PRRC2B: variants seen among roughly 807,000 people sequenced by gnomAD.
PRRC2B encodes proline rich coiled-coil 2B.
PRRC2B carries 68 observed loss-of-function variants against 242.3 expected under a neutral mutation model. The observed-to-expected ratio is 0.28, with a 90% CI of 0.23 to 0.34. The LOEUF (loss-of-function observed/expected upper bound fraction) is 0.34. Ranked by LOEUF, PRRC2B falls within the 10% of genes least tolerant of loss-of-function variation. The pLI is 1.00. For missense variants in PRRC2B, 2,835 were observed against 2,954.8 expected, an observed-to-expected ratio of 0.96 and a Z score of 0.94; for synonymous variants, 1,228 against 1,173.6, an observed-to-expected ratio of 1.05 and a Z score of -0.95.
intron 1 of PRRC2B, among the ~76,000 whole-genome samples, chr9:131,397,741 A>C (rs34388803): frequency 6.6e-6 from 1 of 152,156 alleles, no homozygotes; most frequent in Non-Finnish European, 1.5e-5. Context: ...TTCTGAATTC[A>C]ATAATGAGGC....
intron 1 of PRRC2B, among the ~76,000 whole-genome samples, chr9:131,397,563 GTTTTTTT>G (rs58424444): frequency 2.6e-4 from 26 of 98,976 alleles, no homozygotes; most frequent in Non-Finnish European, 4.4e-4. Context: ...ACTTTTGAGG[GTTTTTTT>G]TTTTTTTTTT....
intron 4 of PRRC2B, among the ~76,000 whole-genome samples, chr9:131,438,214 G>GTTAGT (rs974826028): frequency 1.3e-5 from 2 of 152,192 alleles, no homozygotes; most frequent in African/African-American, 4.8e-5. Context: ...TGAGATGAAT[G>GTTAGT]TTAGTTGAGT....
chr9:131,444,063 G>A, intron 5 of PRRC2B, 122 bp from the exon 6 acceptor site: 1 of 1,120,086 alleles, frequency 8.9e-7, no homozygotes, highest in Non-Finnish European at 1.3e-6. Flanking sequence ...GAGCACCCTT[G>A]TGACAAGACT....
rs780014390 is a variant in PRRC2B, at chr9:131,474,783, G to A, written c.2654G>A (p.Gly885Asp). 7.4e-6 allele frequency: 12 copies of A among 1,612,758 alleles called. No homozygotes were observed. The East Asian group carries it at 2.5e-4, about 33-fold the overall frequency. Residue 885 changes from glycine (G) to aspartate (D), a missense_variant, in exon 16 of 32, where the codon GGT (glycine) becomes GAT (aspartate). Around this residue, in one of 7 missense-constraint regions of PRRC2B, gnomAD observed 1,536 missense variants for 1,483.1 expected, o/e 1.04. Coordinates refer to ENST00000683519, the MANE Select transcript of PRRC2B (RefSeq NM_013318.4). Reference sequence around the variant, plus strand: ...CCAGAGACCGCTGACACAGCCCATGGTGTTGAGCGGGAGACACCCCGGGAG... The same window carrying A: ...CCAGAGACCGCTGACACAGCCCATGATGTTGAGCGGGAGACACCCCGGGAG... ...HQPETADTAHGVERETPREGT... is the reference protein window; with the variant it reads ...HQPETADTAHDVERETPREGT...
At chr9:131,483,186 C>T (rs1943919893) in intron 22 of PRRC2B, among the ~76,000 whole-genome samples, 173 bp from the exon 23 acceptor site, 1 of 152,186 alleles carries the variant, frequency 6.6e-6, no homozygotes, top group South Asian at 2.1e-4. Context: ...GGCTGGCGTC[C>T]TGTCTCCTGT....
intron 19 of PRRC2B, 31 bp from the exon 20 acceptor site, chr9:131,481,685 TTGCTCTTTGA>T: frequency 6.8e-7 from 1 of 1,467,644 alleles, no homozygotes; most frequent in South Asian, 1.2e-5. Flanking sequence ...TCTAGACGGG[TTGCTCTTTGA>T]TGCCCTGACT....
rs998019949 is a variant in PRRC2B, at chr9:131,486,386, T to C, written c.5856+204T>C. The C allele has an allele frequency of 1.3e-5, 8 of 636,506 alleles. No individual in the cohort carries two copies. The African/African-American group carries it at 1.4e-4, about 11-fold the overall frequency. The allele number at this position is 636,506 out of a possible 1,614,324, so 39.4% of individuals were successfully genotyped here. A position where few individuals can be genotyped will look rare whatever the true frequency, so the allele number is the denominator to read the frequency against. ...GACAGGGAAGAGGAGTGGAGTTGGC[T>C]GCTCCAGACTCTGCTTAGTTTTCCT... On this transcript the variant is annotated intron_variant, in intron 26 of 31. Transcript: ENST00000683519.
At chr9:131,383,535 A>AT (rs1836787917) in intron 1 of PRRC2B, among the ~76,000 whole-genome samples, 2 of 152,072 alleles carry the variant, frequency 1.3e-5, no homozygotes, top group South Asian at 4.1e-4. Flanking sequence ...GTAGTGAAAG[A>AT]AAGCTCACGA....
rs190717062 is a variant in PRRC2B at position 131,497,646 on chromosome 9, C to T, written c.*1772C>T. Reference sequence around the variant, plus strand: ...CAATTCTAAGGAAGCGGGAGAACGGCCTCCTACCAACAGCGCCCACCCCAG... The same window carrying T: ...CAATTCTAAGGAAGCGGGAGAACGGTCTCCTACCAACAGCGCCCACCCCAG... On this transcript the variant is annotated 3_prime_UTR_variant, in exon 32 of 32. Coordinates refer to ENST00000683519, the MANE Select transcript of PRRC2B (RefSeq NM_013318.4). 6.6e-6 allele frequency: 1 copy of T among 152,384 alleles called. No homozygotes were observed. Among genetic ancestry groups the T allele is most frequent in the African/African-American group, 2.4e-5 (1 of 41,568 alleles). 9.4% of individuals were successfully genotyped at this position (152,384 alleles called of 1,614,324 possible).
chr9:131,486,453 CTAAA>C (rs1466016025), intron 26 of PRRC2B: 2 of 983,834 alleles, frequency 2.0e-6, no homozygotes, highest in Non-Finnish European at 2.4e-6. Context: ...GGGGAATTAG[CTAAA>C]ATGGAATTTT....
chr9:131,386,273 C>T (rs1564270301), intron 1 of PRRC2B, among the ~76,000 whole-genome samples: 2 of 150,206 alleles, frequency 1.3e-5, no homozygotes, highest in Admixed American at 6.9e-5. Context: ...CCAACATTCT[C>T]GGCTAATTTT....
At chr9:131,389,923 T>TG (rs1237180072), upstream of PRRC2B, among the ~76,000 whole-genome samples, 2 of 130,100 alleles carry the variant, frequency 1.5e-5, no homozygotes, top group Admixed American at 1.6e-4. Context: ...TTGTTTTTTT[T>TG]TTTGTTTTTT....
rs397690778 is a variant in PRRC2B at position 131,488,269 on chromosome 9, C to CTT, written c.6225+185_6225+186dup. 2.6e-3 allele frequency among the ~76,000 whole-genome samples: 375 copies of CTT among 144,700 alleles called. 11 individuals carry two copies. In the East Asian group the frequency reaches 0.032, roughly 12 times the overall value. 94.9% of individuals were successfully genotyped at this position (144,700 alleles called of 152,430 possible). A position where few individuals can be genotyped will look rare whatever the true frequency, so the allele number is the denominator to read the frequency against. On this transcript the variant is annotated intron_variant, in intron 28 of 31. Transcript: ENST00000683519. ...AGCCTCTTCTGAGTAGCCCCATCAC[C>CTT]TTTTTTTTTTTTTGGACAGAGTCTC... is the stretch of plus-strand genomic sequence containing the variant.
Position 131,430,076 on chromosome 9 carries a change from T to C in PRRC2B, c.-51-18T>C, listed in dbSNP as rs1838085795. 7.0e-6 allele frequency: 5 copies of C among 717,922 alleles called. No individual in the cohort carries two copies. The highest frequency in any genetic ancestry group is 1.2e-5 in the Non-Finnish European group (5 of 431,172). 44.5% of individuals were successfully genotyped at this position (717,922 alleles called of 1,614,324 possible). ...TTTCTCTCTCTTTTTTTTTTTTTCT[T>C]CTCTATTTCAAAGGCAGATCGGGAG... On this transcript the variant is annotated intron_variant, in intron 1 of 31. Transcript: ENST00000683519.
intron 10 of PRRC2B, among the ~76,000 whole-genome samples, chr9:131,456,912 C>T (rs568551941): frequency 6.6e-6 from 1 of 152,282 alleles, no homozygotes; most frequent in Non-Finnish European, 1.5e-5. Flanking sequence ...TGCCTGTTTC[C>T]TTCACATTTA....
In PRRC2B at chr9:131,494,567, CCTAT is replaced by C. The variant is rs1944279494; in HGVS notation, c.6555+84_6555+87del. On this transcript the variant is annotated intron_variant, in intron 31 of 31. Transcript: ENST00000683519. The surrounding 1 kb of genome is among the most constrained non-coding windows in gnomAD (Gnocchi z 4.3). ...CGCCAAAAGAGAAGGGACTGTCCAA[CCTAT>C]CTGAGCGCCCCCTGTCTAAAGACAG... 2 of 749,340 alleles carry C rather than the reference CCTAT, an allele frequency of 2.7e-6. No homozygotes were observed. Among genetic ancestry groups the C allele is most frequent in the African/African-American group, 3.6e-5 (2 of 55,652 alleles). The allele number at this position is 749,340 out of a possible 1,614,324, so 46.4% of individuals were successfully genotyped here.
intron 1 of PRRC2B, among the ~76,000 whole-genome samples, chr9:131,425,592 A>G (rs1394217651): frequency 6.6e-6 from 1 of 151,620 alleles, no homozygotes; most frequent in Non-Finnish European, 1.5e-5. Flanking sequence ...GGTTCATGCC[A>G]TTCTCCTGCC....
intron 11 of PRRC2B, among the ~76,000 whole-genome samples, chr9:131,461,039 A>G (rs1943226754): frequency 6.6e-6 from 1 of 152,156 alleles, no homozygotes; most frequent in South Asian, 2.1e-4. Context: ...GTTCTCATTG[A>G]TACCTCCAGT....
intron 1 of PRRC2B, among the ~76,000 whole-genome samples, chr9:131,419,986 A>T (rs1837758270): frequency 6.6e-6 from 1 of 152,078 alleles, no homozygotes; most frequent in Admixed American, 6.5e-5. Flanking sequence ...TGGTTCCGGC[A>T]AGGGGCTTGC....
Sources: allele counts gnomAD v4.1 joint callset (sites outside exome capture counted in the v4.1 genomes callset), GRCh38; gene constraint gnomAD v4.1.1; regional missense constraint gnomAD v4.1.1; non-coding constraint Gnocchi (gnomAD v3.1); transcripts MANE v1.5; gene names NCBI Gene and HGNC (gene_info 2026-07-23, HGNC 2026-07-21).